LEPR: variants seen among roughly 807,000 people sequenced by gnomAD.
The protein encoded by LEPR is OB receptor.
A neutral mutation model predicts 114.7 loss-of-function variants in LEPR; 56 were observed. The ratio of observed to expected loss-of-function variants is 0.49; its 90% CI spans 0.39 to 0.61. The LOEUF (loss-of-function observed/expected upper bound fraction) is 0.61, where lower values mean the gene tolerates loss of function less well. LEPR is among the 20% of genes least tolerant of loss of function. The pLI, the probability that LEPR is intolerant of heterozygous loss-of-function variation, is 0.00. For missense variants in LEPR, 1,202 were observed against 1,352.9 expected (o/e 0.89, Z 1.75); for synonymous variants, 443 against 461.4 (o/e 0.96, Z 0.51).
Position 65,639,885 on chromosome 1 carries a change from A to G in LEPR, c.*2870A>G, listed in dbSNP as rs538702124. 2 of 152,292 alleles carry G rather than the reference A, an allele frequency of 1.3e-5. No individual in the cohort carries two copies. Among genetic ancestry groups the G allele is most frequent in the South Asian group, 2.1e-4 (1 of 4,820 alleles). 9.4% of individuals were successfully genotyped at this position (152,292 alleles called of 1,614,324 possible). On this transcript the variant is annotated 3_prime_UTR_variant, in exon 20 of 20. Coordinates refer to ENST00000349533, the MANE Select transcript of LEPR (RefSeq NM_002303.6). Reference sequence around the variant, plus strand: ...AAAGTTGACGTACATGTCACTATGAATAGGCACCTTCTGTTGGATCTCTGT... The same window carrying G: ...AAAGTTGACGTACATGTCACTATGAGTAGGCACCTTCTGTTGGATCTCTGT...
intron 2 of LEPR, chr1:65,434,965 C>G: frequency 1.0e-6 from 1 of 985,478 alleles, no homozygotes; most frequent in Non-Finnish European, 1.2e-6. Context: ...CTTTTGACAC[C>G]TGCATTGGGC....
chr1:65,634,517 A>G, intron 19 of LEPR: 1 of 943,384 alleles, frequency 1.1e-6, no homozygotes, highest in Non-Finnish European at 1.3e-6. Context: ...CACTGACAAA[A>G]CATATTTCAA....
At chr1:65,571,791 CAA>C (rs34139057) in intron 4 of LEPR, among the ~76,000 whole-genome samples, 2,166 of 73,160 alleles carry the variant, frequency 0.03, 49 homozygotes, top group African/African-American at 0.074. Context: ...CCATCTCTAC[CAA>C]AAAAAAAAAA....
chr1:65,495,639 G>A (rs1229235753), intron 2 of LEPR, among the ~76,000 whole-genome samples: 1 of 152,128 alleles, frequency 6.6e-6, no homozygotes, highest in Non-Finnish European at 1.5e-5. Flanking sequence ...ACAAGATATG[G>A]AATCAACCTA....
intron 3 of LEPR, among the ~76,000 whole-genome samples, chr1:65,568,520 GTGTGTGCATGTGCA>G (rs1477163810): frequency 1.3e-5 from 2 of 151,796 alleles, no homozygotes; most frequent in African/African-American, 4.8e-5. Flanking sequence ...GTGTGTGTGT[GTGTGTGCATGTGCA>G]TGTGTGTGAA....
At chr1:65,559,524 T>G (rs1279295736) in intron 2 of LEPR, among the ~76,000 whole-genome samples, 5 of 30,918 alleles carry the variant, frequency 1.6e-4, no homozygotes, top group East Asian at 1.2e-3. Flanking sequence ...GATGGTAGTT[T>G]CTTTTGCTGT....
rs77248581 is a variant in LEPR, at chr1:65,609,208, A to G, written c.1752+307A>G. ...TGTATCTTCCTTGTGTAGTCACGGT[A>G]TACATATTACATATTCAAGGTTTGG... On this transcript the variant is annotated intron_variant, in intron 12 of 19. Coordinates refer to ENST00000349533, the MANE Select transcript of LEPR (RefSeq NM_002303.6). Among the ~76,000 whole-genome samples the G allele has an allele frequency of 0.036, 5,453 of 152,210 alleles. 221 individuals are homozygous for G. Among genetic ancestry groups the G allele is most frequent in the South Asian group, 0.21 (994 of 4,818 alleles).
At chr1:65,531,011 C>T (rs926310148) in intron 2 of LEPR, among the ~76,000 whole-genome samples, 8 of 152,136 alleles carry the variant, frequency 5.3e-5, no homozygotes, top group East Asian at 3.9e-4. Flanking sequence ...TAATGCATGT[C>T]GGATCATGTC....
intron 2 of LEPR, among the ~76,000 whole-genome samples, chr1:65,544,582 A>G (rs193074128): frequency 6.6e-6 from 1 of 151,938 alleles, no homozygotes; most frequent in African/African-American, 2.4e-5. Context: ...ATGGGTCATA[A>G]ATAGCTCTTA....
chr1:65,571,694 C>A (rs1484263637), intron 4 of LEPR, among the ~76,000 whole-genome samples: 2 of 147,866 alleles, frequency 1.4e-5, no homozygotes, highest in Non-Finnish European at 3.0e-5. Flanking sequence ...GGCTTAACTG[C>A]CTGCAATCCT....
At chr1:65,481,248 A>G (rs1236931304) in intron 2 of LEPR, among the ~76,000 whole-genome samples, 1 of 152,204 alleles carries the variant, frequency 6.6e-6, no homozygotes, top group African/African-American at 2.4e-5. Flanking sequence ...TGAAGGCCCT[A>G]TCTCTAAATA....
At position 65,499,074 on chromosome 1, in the gene LEPR, A is replaced by G. The variant is rs1570564826; in HGVS notation, c.-20-66472A>G. On this transcript the variant is annotated intron_variant, in intron 2 of 19. Coordinates refer to ENST00000349533, the MANE Select transcript of LEPR (RefSeq NM_002303.6). ...GTGATCCTAGTCTAAAAGGAAAGCC[A>G]ATGTGCACTTGAGTAGCAGCATTCA... Among the ~76,000 whole-genome samples, 3 of 152,260 alleles carry G rather than the reference A, an allele frequency of 2.0e-5. No individual in the cohort carries two copies. The South Asian group carries it at 6.2e-4, about 32-fold the overall frequency.
At chr1:65,627,900 T>C (rs1371890952) in intron 19 of LEPR, among the ~76,000 whole-genome samples, 3 of 152,302 alleles carry the variant, frequency 2.0e-5, no homozygotes, top group Admixed American at 1.3e-4. Flanking sequence ...TTGATTATTA[T>C]GAAAGTACTC....
intron 2 of LEPR, among the ~76,000 whole-genome samples, chr1:65,504,404 A>C (rs1557628629): frequency 6.6e-6 from 1 of 152,210 alleles, no homozygotes; most frequent in Non-Finnish European, 1.5e-5. Context: ...CAGCCAGGTG[A>C]TCAAGGTCAA....
chr1:65,548,516 A>G (rs997428917), intron 2 of LEPR, among the ~76,000 whole-genome samples: 77 of 152,010 alleles, frequency 5.1e-4, no homozygotes, highest in African/African-American at 1.3e-3. Flanking sequence ...TATATATTTA[A>G]GATAGTTAGC....
chr1:65,503,408 G>A (rs987258123), intron 2 of LEPR, among the ~76,000 whole-genome samples: 2 of 152,172 alleles, frequency 1.3e-5, no homozygotes, highest in South Asian at 4.1e-4. Context: ...CCTCACTGAA[G>A]GGACTGGCAG....
At chr1:65,505,702 AGAGG>A (rs1173607211) in intron 2 of LEPR, among the ~76,000 whole-genome samples, 1 of 151,618 alleles carries the variant, frequency 6.6e-6, no homozygotes, top group African/African-American at 2.4e-5. Flanking sequence ...CTTCAAACTA[AGAGG>A]GAGTAATGGT....
intron 11 of LEPR, among the ~76,000 whole-genome samples, chr1:65,607,423 GA>G (rs983771403): frequency 6.6e-6 from 1 of 152,176 alleles, no homozygotes; most frequent in Non-Finnish European, 1.5e-5. Context: ...TTTAGGTTCT[GA>G]GCCGTGGGCA....
chr1:65,487,498 C>T (rs1189585197), intron 2 of LEPR, among the ~76,000 whole-genome samples: 1 of 151,596 alleles, frequency 6.6e-6, no homozygotes, highest in African/African-American at 2.4e-5. Flanking sequence ...ATGCATATAT[C>T]TTATATAAAT....
Sources: allele counts gnomAD v4.1 joint callset (sites outside exome capture counted in the v4.1 genomes callset), GRCh38; gene constraint gnomAD v4.1.1; transcripts MANE v1.5; gene names NCBI Gene and HGNC (gene_info 2026-07-23, HGNC 2026-07-21).